The following ACSM3 variants were observed in gnomAD, a reference collection of about 807,000 sequenced individuals.
ACSM3 encodes acyl-coenzyme A synthetase ACSM3, mitochondrial.
ACSM3 carries 61 observed loss-of-function variants against 74.1 expected under a neutral mutation model. The ratio of observed to expected loss-of-function variants is 0.82; its 90% confidence interval spans 0.67 to 1.02. The LOEUF (loss-of-function observed/expected upper bound fraction) is 1.02. Ranked by LOEUF, ACSM3 falls within the 50% of genes least tolerant of loss-of-function variation. The pLI is 0.00. For synonymous variants in ACSM3, 213 were observed against 241.5 expected, an observed-to-expected ratio of 0.88 and a Z score of 1.09; for missense variants, 660 against 697.0, an observed-to-expected ratio of 0.95 and a Z score of 0.60.
chr16:20,751,054 T>C (rs1364813306), intron 2 of ACSM3, among the ~76,000 whole-genome samples: 1 of 152,016 alleles, frequency 6.6e-6, no homozygotes, highest in Non-Finnish European at 1.5e-5. Flanking sequence ...GGTGGCCAGG[T>C]TGGTCTCAAA....
intron 9 of ACSM3, among the ~76,000 whole-genome samples, chr16:20,787,055 C>T (rs80100519): frequency 6.6e-6 from 1 of 152,192 alleles, no homozygotes; most frequent in African/African-American, 2.4e-5. Context: ...AGGGGGAATT[C>T]CAGTTCCCCA....
chr16:20,752,182 T>C, intron 2 of ACSM3, among the ~76,000 whole-genome samples: 1 of 151,968 alleles, frequency 6.6e-6, no homozygotes, highest in South Asian at 2.1e-4. Flanking sequence ...AGAGCGAGAC[T>C]CTGTCTCACA....
chr16:20,690,911 T>C, intron 1 of ACSM3: 2 of 1,355,120 alleles, frequency 1.5e-6, no homozygotes, highest in Non-Finnish European at 2.0e-6. Flanking sequence ...GTAACTTTGG[T>C]TCCATACCTT....
At chr16:20,775,034 T>C (rs879727608) in intron 2 of ACSM3, among the ~76,000 whole-genome samples, 12 of 152,154 alleles carry the variant, frequency 7.9e-5, no homozygotes, top group Non-Finnish European at 1.8e-4. Flanking sequence ...CTTGATGTGC[T>C]GGACTCCCTG....
rs1350263581 is a variant in ACSM3 at position 20,755,785 on chromosome 16, C to CG, written c.-52+169_-52+170insG. On this transcript the variant is annotated intron_variant, in intron 3 of 3. Coordinates refer to the ACSM3 transcript ENST00000561584. The stretch of plus-strand genomic sequence containing the variant: ...TATCTCCTAATGCTATCCCTCCCCC[C>CG]CCCCCACCCCACAGCAGTCCCCAGA... 1.6e-4 allele frequency among the ~76,000 whole-genome samples: 14 copies of CG among 86,242 alleles called. 1 individual carries two copies. The highest frequency in any genetic ancestry group is 3.2e-4 in the African/African-American group (8 of 24,660). The allele number at this position is 86,242 out of a possible 152,430, so 56.6% of individuals were successfully genotyped here.
At chr16:20,796,731 C>A in intron 13 of ACSM3, 155 bp from the exon 14 acceptor site, 1 of 1,497,816 alleles carries the variant, frequency 6.7e-7, no homozygotes, top group South Asian at 1.4e-5. Context: ...ACTTTCCTAA[C>A]AATACCCTTT....
chr16:20,781,239 A>T (rs773093336), intron 6 of ACSM3, 109 bp downstream of exon 6: 77 of 1,334,866 alleles, frequency 5.8e-5, no homozygotes, highest in Middle Eastern at 1.9e-4. Context: ...AATATGATTT[A>T]AGATATGTCA....
Position 20,709,286 on chromosome 16 carries a change from A to G in ACSM3, c.-190+34464A>G, listed in dbSNP as rs189331200. 4.6e-5 allele frequency among the ~76,000 whole-genome samples: 7 copies of G among 152,348 alleles called. No homozygotes were observed. The East Asian group carries it at 9.6e-4, about 21-fold the overall frequency. ...AAAGAAAAAAATGATATTGCTTAAC[A>G]TAAGTTATGAAATTTATAAAATGAT... is the stretch of plus-strand genomic sequence containing the variant. On this transcript the variant is annotated intron_variant, in intron 1 of 3. Transcript: ENST00000561584.
At chr16:20,753,338 C>T (rs2080002857) in intron 2 of ACSM3, among the ~76,000 whole-genome samples, 1 of 151,756 alleles carries the variant, frequency 6.6e-6, no homozygotes, top group Non-Finnish European at 1.5e-5. Context: ...GTGGCACATG[C>T]CTGTAATCCC....
chr16:20,709,383 A>T (rs1205057945), intron 1 of ACSM3, among the ~76,000 whole-genome samples: 1 of 152,260 alleles, frequency 6.6e-6, no homozygotes, highest in Non-Finnish European at 1.5e-5. Flanking sequence ...AGCAGGTTAG[A>T]TTATGTTTTC....
In ACSM3 at chr16:20,797,563, A is replaced by T. The variant is rs1022049501; in HGVS notation, c.*591A>T. The T allele has an allele frequency of 9.4e-6, 12 of 1,275,064 alleles. No homozygotes were observed. The highest frequency in any genetic ancestry group is 1.1e-5 in the Non-Finnish European group (11 of 1,011,742). The allele number at this position is 1,275,064 out of a possible 1,614,324, so 79.0% of individuals were successfully genotyped here. ...TGTTGCTTATTATATGTAATCTAAT[A>T]AATACTGTTTACAAAAGATTACACT... On this transcript the variant is annotated 3_prime_UTR_variant, in exon 14 of 14. Coordinates refer to ENST00000289416, the MANE Select transcript of ACSM3 (RefSeq NM_005622.4).
At chr16:20,738,786 A>G in intron 1 of ACSM3, 1 of 1,265,808 alleles carries the variant, frequency 7.9e-7, no homozygotes, top group South Asian at 1.4e-5. Flanking sequence ...AGCTGCCATC[A>G]AATGATTAAC....
Position 20,796,466 on chromosome 16 carries a change from GCACCTTA to G in ACSM3, c.1654_1660del (p.Pro552AsnfsTer6). The G allele has an allele frequency of 6.2e-7, 1 of 1,613,422 alleles. No individual in the cohort carries two copies. The highest frequency in any genetic ancestry group is 8.5e-7 in the Non-Finnish European group (1 of 1,179,860). On this transcript the variant is annotated frameshift_variant, in exon 13 of 14. Transcript: ENST00000289416. LOFTEE classifies it high-confidence loss of function. ...TCAGGAGCATGTTAAAAAAACTACA[GCACCTTA>G]CAAATATCCCAGAAAGGTAGGCATC... is the stretch of plus-strand genomic sequence containing the variant.
intron 1 of ACSM3, among the ~76,000 whole-genome samples, chr16:20,716,893 G>C (rs2079763776): frequency 6.6e-6 from 1 of 152,156 alleles, no homozygotes; most frequent in Non-Finnish European, 1.5e-5. Flanking sequence ...AGGAATCATG[G>C]AGCTATCTTT....
At chr16:20,752,781 G>T (rs1314416775) in intron 2 of ACSM3, among the ~76,000 whole-genome samples, 2 of 152,188 alleles carry the variant, frequency 1.3e-5, no homozygotes. Context: ...CATAATGAAT[G>T]GATCAGGTGA....
At chr16:20,718,656 A>T (rs2079774281) in intron 1 of ACSM3, among the ~76,000 whole-genome samples, 1 of 152,192 alleles carries the variant, frequency 6.6e-6, no homozygotes, top group African/African-American at 2.4e-5. Flanking sequence ...TTAGTAAATG[A>T]CACAATCTAA....
chr16:20,790,566 A>G lies in ACSM3; in HGVS notation c.1225-21A>G, dbSNP rs746789826. The G allele has an allele frequency of 1.3e-6, 2 of 1,591,454 alleles. No individual in the cohort carries two copies. Among genetic ancestry groups the G allele is most frequent in the South Asian group, 2.3e-5 (2 of 88,770 alleles). Reference sequence around the variant, plus strand: ...CATTAAACAAAAATTTCCTTAAATAAATTGTTCTATTTTATCCTAGATTGT... The same window carrying G: ...CATTAAACAAAAATTTCCTTAAATAGATTGTTCTATTTTATCCTAGATTGT... On this transcript the variant is annotated intron_variant, in intron 9 of 13. Coordinates refer to ENST00000289416, the MANE Select transcript of ACSM3 (RefSeq NM_005622.4). This position sits in a 1 kb window ranked among gnomAD's most constrained non-coding sequence, Gnocchi z 4.0.
intron 1 of ACSM3, chr16:20,735,154 A>T (rs1001699275): frequency 1.3e-5 from 2 of 152,188 alleles, no homozygotes; most frequent in African/African-American, 4.8e-5. Flanking sequence ...AGACTTGTCC[A>T]TTTGTTCATG....
At chr16:20,730,698 AC>A (rs759280016) in intron 1 of ACSM3, among the ~76,000 whole-genome samples, 212 of 152,306 alleles carry the variant, frequency 1.4e-3, no homozygotes, top group South Asian at 1.4e-3. Flanking sequence ...AGCAGAAGTA[AC>A]CACCAATTAG....
Sources: allele counts gnomAD v4.1 joint callset (sites outside exome capture counted in the v4.1 genomes callset), GRCh38; gene constraint gnomAD v4.1.1; non-coding constraint Gnocchi (gnomAD v3.1); transcripts MANE v1.5; gene names NCBI Gene and HGNC (gene_info 2026-07-23, HGNC 2026-07-21).